RPS6KC1: variants seen among roughly 807,000 people sequenced by gnomAD.
RPS6KC1 encodes the protein inactive ribosomal protein S6 kinase delta-1.
A neutral mutation model predicts 103.8 loss-of-function variants in RPS6KC1; 54 were observed. That is an observed-to-expected ratio of 0.52 (90% CI 0.42 to 0.65). The LOEUF is 0.65. RPS6KC1 is among the 30% of genes least tolerant of loss of function. The pLI is 0.00. For missense variants in RPS6KC1, 1,151 were observed against 1,253.8 expected (o/e 0.92, Z 1.24); for synonymous variants, 439 against 438.7 (o/e 1.00, Z -0.01).
At chr1:213,500,186 C>A in the RPS6KC1 span, among the ~76,000 whole-genome samples, 1 of 152,032 alleles carries the variant, frequency 6.6e-6, no homozygotes, top group African/African-American at 2.4e-5. Flanking sequence ...TTTAAAATAT[C>A]CTTATTCTGT....
At chr1:213,615,395 C>T in the RPS6KC1 span, among the ~76,000 whole-genome samples, 2 of 152,246 alleles carry the variant, frequency 1.3e-5, no homozygotes, top group Admixed American at 1.3e-4. Context: ...CACCAGCCTT[C>T]AGTGCCTGCA....
the RPS6KC1 span, among the ~76,000 whole-genome samples, chr1:213,477,550 T>A: frequency 6.6e-6 from 1 of 152,228 alleles, no homozygotes; most frequent in Admixed American, 6.5e-5. Flanking sequence ...TCAATCTTTG[T>A]TTTTTAAAAT....
At chr1:213,082,361 G>A (rs1441670594) in intron 3 of RPS6KC1, among the ~76,000 whole-genome samples, 1 of 152,108 alleles carries the variant, frequency 6.6e-6, no homozygotes, top group Non-Finnish European at 1.5e-5. Flanking sequence ...AACCTGGGAG[G>A]CAGAGTTTGC....
At chr1:213,765,835 AT>A in the RPS6KC1 span, among the ~76,000 whole-genome samples, 1 of 152,198 alleles carries the variant, frequency 6.6e-6, no homozygotes. Context: ...CTATAAAAAA[AT>A]TTTTATAATA....
rs757452045 is a variant in RPS6KC1, at chr1:213,241,415, A to C, written c.1939A>C (p.Thr647Pro). Residue 647 changes from threonine (T) to proline (P), a missense_variant, in exon 11 of 15, where the codon ACT becomes CCT. Thr to Pro is a conservative substitution (Grantham distance 38). Coordinates refer to ENST00000366960, the MANE Select transcript of RPS6KC1 (RefSeq NM_012424.6). ...AGACAGTGCTTCTAGGAGTTTTAAT[A>C]CTAGTGAAAGCAAGGTAGAGTTTAA... ...DGDSASRSFNTSESKVEFKAQ... is the reference protein window; with the variant it reads ...DGDSASRSFNPSESKVEFKAQ... The C allele has an allele frequency of 6.2e-7, 1 of 1,613,834 alleles. No homozygotes were observed. The highest frequency in any genetic ancestry group is 8.5e-7 in the Non-Finnish European group (1 of 1,179,936).
chr1:213,735,077 C>T, the RPS6KC1 span, among the ~76,000 whole-genome samples: 1 of 152,208 alleles, frequency 6.6e-6, no homozygotes, highest in African/African-American at 2.4e-5. Flanking sequence ...GCGCCCACCA[C>T]CACGCCCGGC....
chr1:213,761,918 A>ATTAT, the RPS6KC1 span, among the ~76,000 whole-genome samples: 133 of 152,232 alleles, frequency 8.7e-4, no homozygotes, highest in Admixed American at 3.5e-3. Context: ...TAGATCTTTG[A>ATTAT]TTATTTTTCT....
chr1:213,627,941 A>G, the RPS6KC1 span, among the ~76,000 whole-genome samples: 1 of 152,202 alleles, frequency 6.6e-6, no homozygotes, highest in Non-Finnish European at 1.5e-5. Context: ...GCCTCATAAA[A>G]TGAGTTAGGG....
chr1:213,836,848 A>G, the RPS6KC1 span, among the ~76,000 whole-genome samples: 1 of 152,158 alleles, frequency 6.6e-6, no homozygotes, highest in African/African-American at 2.4e-5. Context: ...AGTTTCAAAA[A>G]CACTGCCCTC....
the RPS6KC1 span, among the ~76,000 whole-genome samples, chr1:213,614,149 G>A: frequency 6.6e-6 from 1 of 152,196 alleles, no homozygotes; most frequent in Non-Finnish European, 1.5e-5. Flanking sequence ...TGAGGATCCT[G>A]CCTCCCAGAG....
the RPS6KC1 span, among the ~76,000 whole-genome samples, chr1:213,695,379 T>G: frequency 6.6e-6 from 1 of 152,160 alleles, no homozygotes; most frequent in Non-Finnish European, 1.5e-5. Context: ...GTACAATACC[T>G]GTGAAGAAGT....
chr1:213,056,799 T>C (rs1338494494), intron 1 of RPS6KC1, among the ~76,000 whole-genome samples: 1 of 152,128 alleles, frequency 6.6e-6, no homozygotes, highest in Non-Finnish European at 1.5e-5. Flanking sequence ...TCTTTCCTTT[T>C]GTCTTGGCAA....
the RPS6KC1 span, among the ~76,000 whole-genome samples, chr1:213,641,449 C>T: frequency 6.6e-5 from 10 of 152,098 alleles, no homozygotes; most frequent in East Asian, 9.7e-4. Context: ...CCCGAAGTTT[C>T]GATCTGCCTT....
chr1:213,527,196 A>G, the RPS6KC1 span, among the ~76,000 whole-genome samples: 3 of 152,238 alleles, frequency 2.0e-5, no homozygotes. Flanking sequence ...TTGCCTGATG[A>G]CTACCCATGC....
the RPS6KC1 span, among the ~76,000 whole-genome samples, chr1:213,591,603 TGATG>T: frequency 6.6e-6 from 1 of 152,190 alleles, no homozygotes; most frequent in Non-Finnish European, 1.5e-5. Context: ...GCCAGCCTGA[TGATG>T]GTAGATCTGG....
chr1:213,466,943 A>T, the RPS6KC1 span, among the ~76,000 whole-genome samples: 5,637 of 152,210 alleles, frequency 0.037, 135 homozygotes, highest in Middle Eastern at 0.054. Context: ...ATTCTATTAA[A>T]TTGGCAGGCA....
At chr1:213,260,344 T>C (rs2094756322) in intron 12 of RPS6KC1, among the ~76,000 whole-genome samples, 1 of 152,132 alleles carries the variant, frequency 6.6e-6, no homozygotes, top group Admixed American at 6.5e-5. Context: ...GAGTTCCATA[T>C]AGGCTGTTTG....
the RPS6KC1 span, among the ~76,000 whole-genome samples, chr1:213,439,969 A>G: frequency 6.6e-6 from 1 of 152,204 alleles, no homozygotes; most frequent in Non-Finnish European, 1.5e-5. Flanking sequence ...GGGCTTCTAC[A>G]TCAGCCTATA....
chr1:213,676,594 C>A, the RPS6KC1 span, among the ~76,000 whole-genome samples: 1 of 152,070 alleles, frequency 6.6e-6, no homozygotes, highest in Non-Finnish European at 1.5e-5. Flanking sequence ...GCTTCAGGTA[C>A]CCTCAGTCAG....
Sources: gnomAD v4.1 joint callset for allele counts (sites outside exome capture counted in the v4.1 genomes callset) on GRCh38, gnomAD v4.1.1 for gene constraint, MANE v1.5 for transcripts, NCBI Gene and HGNC (gene_info 2026-07-23, HGNC 2026-07-21) for gene names.